The following VGLL3 variants were observed in gnomAD, a reference collection of about 807,000 sequenced individuals.
The protein encoded by VGLL3 is vestigial like family member 3, also known as transcription cofactor vestigial-like protein 3.
VGLL3 carries 18 observed loss-of-function variants against 29.2 expected under a neutral mutation model. The ratio of observed to expected loss-of-function variants is 0.62; its 90% CI spans 0.43 to 0.91. The LOEUF (loss-of-function observed/expected upper bound fraction) is 0.91. Among genes scored for constraint, VGLL3 ranks in the 40% least tolerant of loss-of-function variants. VGLL3 has a pLI of 0.00. For missense variants in VGLL3, 440 were observed against 413.2 expected (o/e 1.06, Z -0.56); for synonymous variants, 180 against 151.8 (o/e 1.19, Z -1.36).
rs192560770 is a variant in VGLL3 at position 86,945,628 on chromosome 3, C to T, written c.*1396G>A. The T allele has an allele frequency of 3.3e-5, 5 of 152,178 alleles. No individual in the cohort carries two copies. Among genetic ancestry groups the T allele is most frequent in the Admixed American group, 2.6e-4 (4 of 15,282 alleles). The allele number at this position is 152,178 out of a possible 1,614,324, so 9.4% of individuals were successfully genotyped here. A position where few individuals can be genotyped will look rare whatever the true frequency, so the allele number is the denominator to read the frequency against. ...ATGATAATTTAAACTTTATTTAGAT[C>T]CTGAGAGCTATATCAAGTTAAATCC... is the stretch of plus-strand genomic sequence containing the variant. On this transcript the variant is annotated 3_prime_UTR_variant, in exon 4 of 4. Transcript: ENST00000398399.
rs1704432372 is a variant in VGLL3, at chr3:86,943,073, C to A, written c.*3951G>T. The A allele has an allele frequency of 6.6e-6, 1 of 151,836 alleles. No individual in the cohort carries two copies. Among genetic ancestry groups the A allele is most frequent in the African/African-American group, 2.4e-5 (1 of 41,340 alleles). 9.4% of individuals were successfully genotyped at this position (151,836 alleles called of 1,614,324 possible). On this transcript the variant is annotated 3_prime_UTR_variant, in exon 4 of 4. Transcript: ENST00000398399. ...CAGAGCCTGCCTGTTAGGTATTATT[C>A]CATTTTACTCATGAGATAAATAAAT...
intron 3 of VGLL3, among the ~76,000 whole-genome samples, chr3:86,963,281 A>G (rs1242758866): frequency 6.6e-6 from 1 of 152,238 alleles, no homozygotes; most frequent in Non-Finnish European, 1.5e-5. Flanking sequence ...TTTATGATAG[A>G]TGCTACAACA....
intron 3 of VGLL3, among the ~76,000 whole-genome samples, chr3:86,961,238 C>T (rs1444585770): frequency 6.6e-6 from 1 of 151,980 alleles, no homozygotes; most frequent in African/African-American, 2.4e-5. Flanking sequence ...CAAAGCATGA[C>T]TACTTTTGTT....
intron 3 of VGLL3, among the ~76,000 whole-genome samples, chr3:86,947,669 T>C (rs1704534805): frequency 6.6e-6 from 1 of 152,202 alleles, no homozygotes; most frequent in South Asian, 2.1e-4. Context: ...TTACTTATTT[T>C]ATCTTATCTT....
Position 86,962,441 on chromosome 3 carries a change from G to T in VGLL3, c.937+6149C>A, listed in dbSNP as rs892628447. Reference sequence around the variant, plus strand: ...TGTCCTCACCACCACTCAGCCCTTCGGAAAAAATGGACCACCTTACTTCAT... The same window carrying T: ...TGTCCTCACCACCACTCAGCCCTTCTGAAAAAATGGACCACCTTACTTCAT... On this transcript the variant is annotated intron_variant, in intron 3 of 3. Coordinates refer to ENST00000398399, the MANE Select transcript of VGLL3 (RefSeq NM_016206.4). The T allele has an allele frequency of 4.6e-5, 45 of 984,786 alleles. No individual in the cohort carries two copies. In the African/African-American group the frequency reaches 7.7e-4, roughly 17 times the overall value. The allele number at this position is 984,786 out of a possible 1,614,324, so 61.0% of individuals were successfully genotyped here. A position where few individuals can be genotyped will look rare whatever the true frequency, so the allele number is the denominator to read the frequency against.
rs1023125236 is a variant in VGLL3 at position 86,966,172 on chromosome 3, C to G, written c.937+2418G>C. Among the ~76,000 whole-genome samples the G allele has an allele frequency of 2.0e-5, 3 of 151,986 alleles. No homozygotes were observed. In the South Asian group the frequency reaches 6.2e-4, roughly 32 times the overall value. On this transcript the variant is annotated intron_variant, in intron 3 of 3. Coordinates refer to ENST00000398399, the MANE Select transcript of VGLL3 (RefSeq NM_016206.4). Reference sequence around the variant, plus strand: ...CACACAAGGCTTAGGCCTTGGATTACGTTTTTCAGAGACAAATCTGAGCAA... The same window carrying G: ...CACACAAGGCTTAGGCCTTGGATTAGGTTTTTCAGAGACAAATCTGAGCAA...
chr3:86,938,177 T>A lies in VGLL3; in HGVS notation c.*8847A>T, dbSNP rs1704316382. The A allele has an allele frequency of 6.6e-6, 1 of 152,176 alleles. No individual in the cohort carries two copies. The highest frequency in any genetic ancestry group is 2.4e-5 in the African/African-American group (1 of 41,446). 9.4% of individuals were successfully genotyped at this position (152,176 alleles called of 1,614,324 possible). On this transcript the variant is annotated 3_prime_UTR_variant, in exon 4 of 4. Coordinates refer to ENST00000398399, the MANE Select transcript of VGLL3 (RefSeq NM_016206.4). Reference sequence around the variant, plus strand: ...AATTGACACATAAAAGTTATATATATTTAAGGTATACGATATGATGATTTG... The same window carrying A: ...AATTGACACATAAAAGTTATATATAATTAAGGTATACGATATGATGATTTG...
intron 3 of VGLL3, among the ~76,000 whole-genome samples, chr3:86,966,421 C>T (rs912082037): frequency 1.3e-5 from 2 of 151,886 alleles, no homozygotes; most frequent in African/African-American, 2.4e-5. Context: ...TTTCATGATT[C>T]CTTTGTTTTC....
At chr3:86,948,518 A>T (rs1704549872) in intron 3 of VGLL3, among the ~76,000 whole-genome samples, 1 of 152,128 alleles carries the variant, frequency 6.6e-6, no homozygotes, top group South Asian at 2.1e-4. Flanking sequence ...ATAGAAGGAG[A>T]TATACATATG....
intron 1 of VGLL3, among the ~76,000 whole-genome samples, chr3:86,980,241 C>T (rs1371512977): frequency 6.6e-6 from 1 of 151,686 alleles, no homozygotes; most frequent in Non-Finnish European, 1.5e-5. Flanking sequence ...AAATACATAC[C>T]CCAGACTCTA....
intron 2 of VGLL3, 70 bp from the exon 3 acceptor site, chr3:86,969,193 G>T (rs988335207): frequency 6.8e-7 from 1 of 1,474,188 alleles, no homozygotes; most frequent in Non-Finnish European, 9.1e-7. Context: ...GCCTCTAATT[G>T]TCCACTCTAA....
intron 3 of VGLL3, among the ~76,000 whole-genome samples, chr3:86,963,664 G>A (rs192560550): frequency 6.6e-6 from 1 of 152,302 alleles, no homozygotes; most frequent in Admixed American, 6.5e-5. Flanking sequence ...AGAATTTACA[G>A]AGTACATGTT....
At chr3:86,973,628 G>A (rs1575874051) in intron 2 of VGLL3, among the ~76,000 whole-genome samples, 1 of 152,200 alleles carries the variant, frequency 6.6e-6, no homozygotes, top group African/African-American at 2.4e-5. Context: ...AGGCAGCAGG[G>A]TGAGATTAGT....
chr3:86,973,831 A>G (rs1705154753), intron 2 of VGLL3, among the ~76,000 whole-genome samples: 1 of 152,172 alleles, frequency 6.6e-6, no homozygotes, highest in Admixed American at 6.5e-5. Context: ...GAGCCAACAG[A>G]TGATTTTCTT....
At position 86,946,799 on chromosome 3, in the gene VGLL3, G is replaced by T; in HGVS notation, c.*225C>A. ...ACAAAAGGAGAGAGTTGCACAGTTGGCAAAGGCTCAGATGAGGAAATAAAC... is the reference window on the plus strand; with the variant it reads ...ACAAAAGGAGAGAGTTGCACAGTTGTCAAAGGCTCAGATGAGGAAATAAAC... On this transcript the variant is annotated 3_prime_UTR_variant, in exon 4 of 4. Coordinates refer to ENST00000398399, the MANE Select transcript of VGLL3 (RefSeq NM_016206.4). The T allele has an allele frequency of 2.2e-6, 1 of 454,928 alleles. No individual in the cohort carries two copies. Among genetic ancestry groups the T allele is most frequent in the Non-Finnish European group, 3.9e-6 (1 of 255,734 alleles). 28.2% of individuals were successfully genotyped at this position (454,928 alleles called of 1,614,324 possible).
chr3:86,968,273 C>T (rs1705005965), intron 3 of VGLL3, among the ~76,000 whole-genome samples: 1 of 152,160 alleles, frequency 6.6e-6, no homozygotes, highest in Non-Finnish European at 1.5e-5. Context: ...TGGTATAATG[C>T]TCAGAGACAT....
chr3:86,975,988 C>G (rs763173580), intron 2 of VGLL3, among the ~76,000 whole-genome samples: 2 of 152,006 alleles, frequency 1.3e-5, no homozygotes, highest in Non-Finnish European at 2.9e-5. Context: ...GTGGAGGGTC[C>G]CTGTAATCCC....
chr3:86,971,184 G>A (rs764210686), intron 2 of VGLL3, among the ~76,000 whole-genome samples: 1 of 152,126 alleles, frequency 6.6e-6, no homozygotes, highest in Admixed American at 6.5e-5. Context: ...ATAAATATCA[G>A]GCCATAGTTT....
chr3:86,982,527 T>G (rs1303622238), intron 1 of VGLL3, among the ~76,000 whole-genome samples: 1 of 152,060 alleles, frequency 6.6e-6, no homozygotes, highest in Admixed American at 6.6e-5. Flanking sequence ...GTTTGCTCCT[T>G]CAGTGAAATT....
Sources: allele counts gnomAD v4.1 joint callset (sites outside exome capture counted in the v4.1 genomes callset), GRCh38; gene constraint gnomAD v4.1.1; transcripts MANE v1.5; gene names NCBI Gene and HGNC (gene_info 2026-07-23, HGNC 2026-07-21).